The following UGT1A8 variants were observed in gnomAD, a reference collection of about 807,000 sequenced individuals.
UGT1A8 encodes the protein UDP-glucuronosyltransferase 1A8.
Under a neutral mutation model 45.3 loss-of-function variants are expected in UGT1A8, and 39 were observed. The observed-to-expected ratio is 0.86, with a 90% CI of 0.67 to 1.12. UGT1A8 has a LOEUF of 1.12. Among genes scored for constraint, UGT1A8 ranks in the 50% most tolerant of loss-of-function variants. The pLI is 0.00. For synonymous variants in UGT1A8, 275 were observed against 249.2 expected, an observed-to-expected ratio of 1.10 and a Z score of -0.97; for missense variants, 719 against 664.9, an observed-to-expected ratio of 1.08 and a Z score of -0.90.
chr2:233,679,365 T>C (rs754142123), intron 1 of UGT1A8, among the ~76,000 whole-genome samples: 1 of 152,210 alleles, frequency 6.6e-6, no homozygotes, highest in Non-Finnish European at 1.5e-5. Context: ...ACAATAAAAC[T>C]GTCAGTGAGT....
chr2:233,722,457 A>G (rs2077013150), intron 1 of UGT1A8, among the ~76,000 whole-genome samples: 4 of 152,226 alleles, frequency 2.6e-5, no homozygotes, highest in South Asian at 4.1e-4. Flanking sequence ...CAAAGAAATA[A>G]CTGTGGAATT....
intron 1 of UGT1A8, among the ~76,000 whole-genome samples, chr2:233,640,284 C>T (rs1227729214): frequency 6.6e-6 from 1 of 151,992 alleles, no homozygotes; most frequent in African/African-American, 2.4e-5. Flanking sequence ...CAGTGTTTTG[C>T]TGTATTAATT....
At chr2:233,753,727 C>T (rs767953067) in intron 1 of UGT1A8, 2 of 152,174 alleles carry the variant, frequency 1.3e-5, no homozygotes, top group African/African-American at 2.4e-5. Flanking sequence ...ATTTGATATG[C>T]CCCAAGCACA....
At chr2:233,719,169 A>T (rs1251118091) in intron 1 of UGT1A8, 3 of 1,614,252 alleles carry the variant, frequency 1.9e-6, no homozygotes, top group East Asian at 2.2e-5. Flanking sequence ...TATGGCAATT[A>T]TGAACAATGT....
rs769310438 is a variant in UGT1A8 at position 233,760,575 on chromosome 2, G to A, written c.856-6459G>A. The A allele has an allele frequency of 1.1e-5, 18 of 1,614,108 alleles. No individual in the cohort carries two copies. Among genetic ancestry groups the A allele is most frequent in the Non-Finnish European group, 1.5e-5 (18 of 1,180,054 alleles). On this transcript the variant is annotated intron_variant, in intron 1 of 4. Transcript: ENST00000373450. ...TGAAAGAGTCTTTTGTTAGTCTCGG[G>A]CATAATGTTTTTGAGAATGATTCTT... is the stretch of plus-strand genomic sequence containing the variant.
chr2:233,729,725 C>A (rs780989099), intron 1 of UGT1A8: 1 of 1,613,968 alleles, frequency 6.2e-7, no homozygotes, highest in East Asian at 2.2e-5. Flanking sequence ...TTACTAACAA[C>A]CAATTCAGAC....
At position 233,764,985 on chromosome 2, in the gene UGT1A8, G is replaced by A. The variant is rs952012916; in HGVS notation, c.856-2049G>A. On this transcript the variant is annotated intron_variant, in intron 1 of 4. Coordinates refer to ENST00000373450, the MANE Select transcript of UGT1A8 (RefSeq NM_019076.5). ...TTGGGAGAAGGATGGTCAGTGTCTG[G>A]GGCTTTCCTGGTCATGTTCCAAATC... Among the ~76,000 whole-genome samples, 3 of 152,196 alleles carry A rather than the reference G, an allele frequency of 2.0e-5. No homozygotes were observed. In the South Asian group the frequency reaches 6.2e-4, roughly 32 times the overall value.
At chr2:233,754,512 G>A (rs1197156567) in intron 1 of UGT1A8, 1 of 361,962 alleles carries the variant, frequency 2.8e-6, no homozygotes. Flanking sequence ...TATTCCTCCA[G>A]ATGTGCTTAA....
chr2:233,750,856 G>C (rs28899469), intron 1 of UGT1A8: 5,157 of 151,970 alleles, frequency 0.034, 172 homozygotes, highest in African/African-American at 0.052. Flanking sequence ...TGGATGTCCA[G>C]GCAGAAGTTT....
chr2:233,762,716 G>A (rs1165030295), intron 1 of UGT1A8, among the ~76,000 whole-genome samples: 4 of 149,682 alleles, frequency 2.7e-5, no homozygotes, highest in African/African-American at 7.3e-5. Flanking sequence ...TATTTTACAC[G>A]GTTTTTTTTT....
At chr2:233,657,841 T>G (rs1241699167) in intron 1 of UGT1A8, among the ~76,000 whole-genome samples, 1 of 152,176 alleles carries the variant, frequency 6.6e-6, no homozygotes, top group East Asian at 1.9e-4. Context: ...TTTAAGAAAT[T>G]GGGTTTTCTC....
In UGT1A8 at chr2:233,769,317, C is replaced by T. The variant is rs1699835455; in HGVS notation, c.1295+878C>T. On this transcript the variant is annotated intron_variant, in intron 4 of 4. Transcript: ENST00000373450. The surrounding 1 kb of genome is among the most constrained non-coding windows in gnomAD (Gnocchi z 4.4). ...AGTTAGTATATTACTGTCAAGCTCA[C>T]TGGTAATAGGCTTATTAGAACCTTA... is the stretch of plus-strand genomic sequence containing the variant. Among the ~76,000 whole-genome samples, 1 of 152,214 alleles carries T rather than the reference C, an allele frequency of 6.6e-6. No individual in the cohort carries two copies. The highest frequency in any genetic ancestry group is 1.5e-5 in the Non-Finnish European group (1 of 68,028).
intron 1 of UGT1A8, chr2:233,682,523 G>C: frequency 4.3e-6 from 7 of 1,613,852 alleles, no homozygotes; most frequent in Non-Finnish European, 5.9e-6. Flanking sequence ...ACTTCTCTTA[G>C]GGTTCTCAGA....
At chr2:233,660,374 G>T (rs570084965) in intron 1 of UGT1A8, among the ~76,000 whole-genome samples, 27 of 152,236 alleles carry the variant, frequency 1.8e-4, no homozygotes, top group Middle Eastern at 3.4e-3. Context: ...GACCACTTTG[G>T]CTCCTTTTGT....
At chr2:233,762,448 C>T (rs2125997990) in intron 1 of UGT1A8, among the ~76,000 whole-genome samples, 1 of 152,302 alleles carries the variant, frequency 6.6e-6, no homozygotes, top group East Asian at 1.9e-4. Context: ...TCCCACTGCC[C>T]ACTTACCGAT....
chr2:233,687,706 C>G (rs2074858956), intron 1 of UGT1A8, among the ~76,000 whole-genome samples: 1 of 151,774 alleles, frequency 6.6e-6, no homozygotes, highest in African/African-American at 2.4e-5. Flanking sequence ...AGTTTGAGAC[C>G]AGCCTGGACA....
intron 1 of UGT1A8, among the ~76,000 whole-genome samples, chr2:233,746,215 A>C (rs1693328060): frequency 6.6e-6 from 1 of 151,878 alleles, no homozygotes; most frequent in South Asian, 2.1e-4. Flanking sequence ...CTCTAATAGC[A>C]AGGACAGATA....
intron 1 of UGT1A8, among the ~76,000 whole-genome samples, chr2:233,622,253 G>A (rs919652694): frequency 3.3e-5 from 5 of 152,112 alleles, no homozygotes; most frequent in African/African-American, 7.2e-5. Context: ...CCCAGTAATG[G>A]GATCACTGGG....
intron 1 of UGT1A8, chr2:233,693,618 T>C (rs1440701846): frequency 6.2e-7 from 1 of 1,614,220 alleles, no homozygotes; most frequent in Admixed American, 1.7e-5. Flanking sequence ...CACATGACTT[T>C]TTCCCAACGA....
Sources: gnomAD v4.1 joint callset for allele counts (sites outside exome capture counted in the v4.1 genomes callset) on GRCh38, gnomAD v4.1.1 for gene constraint, Gnocchi (gnomAD v3.1) non-coding constraint, MANE v1.5 for transcripts, NCBI Gene and HGNC (gene_info 2026-07-23, HGNC 2026-07-21) for gene names.